STXBP3: variants seen among roughly 807,000 people sequenced by gnomAD.
STXBP3 encodes the protein syntaxin binding protein 3.
In STXBP3, 41 loss-of-function variants were observed where a neutral mutation model predicts 85.7. The observed-to-expected ratio is 0.48, with a 90% confidence interval of 0.37 to 0.62. The LOEUF (loss-of-function observed/expected upper bound fraction) is 0.62. Ranked by LOEUF, STXBP3 falls within the 20% of genes least tolerant of loss-of-function variation. The pLI, the probability that STXBP3 is intolerant of heterozygous loss-of-function variation, is 0.00. For synonymous variants in STXBP3, 229 were observed against 231.7 expected (o/e 0.99, Z 0.10); for missense variants, 563 against 703.1 (o/e 0.80, Z 2.25).
Position 108,782,658 on chromosome 1 carries a change from C to A in STXBP3, c.915C>A (p.Pro305=). ...TCTCACAATTTGACAGGGAAATTCC[C>A]AAGCTTATGAAAGAAATTTCATCAA... ...RHIAVVLEEI[P]KLMKEISSTK... is the part of the protein sequence containing the mutation. Residue 305 remains proline (P), a synonymous_variant, in exon 11 of 19, where the codon CCC becomes CCA. Coordinates refer to ENST00000370008, the MANE Select transcript of STXBP3 (RefSeq NM_007269.4). 6.2e-7 allele frequency: 1 copy of A among 1,608,542 alleles called. No individual in the cohort carries two copies. The highest frequency in any genetic ancestry group is 1.1e-5 in the South Asian group (1 of 89,426).
intron 1 of STXBP3, among the ~76,000 whole-genome samples, chr1:108,751,782 A>G (rs1661911082): frequency 1.4e-5 from 1 of 73,570 alleles, no homozygotes; most frequent in African/African-American, 4.9e-5. Context: ...ATAAATCAAG[A>G]CTGAATATTG....
intron 6 of STXBP3, among the ~76,000 whole-genome samples, chr1:108,764,335 A>C (rs903701438): frequency 1.3e-5 from 2 of 151,992 alleles, no homozygotes; most frequent in Non-Finnish European, 2.9e-5. Flanking sequence ...TGTCTTTGCT[A>C]TTGTGAATAG....
intron 6 of STXBP3, among the ~76,000 whole-genome samples, chr1:108,761,414 G>T (rs555367371): frequency 2.0e-5 from 3 of 152,094 alleles, no homozygotes; most frequent in African/African-American, 7.2e-5. Context: ...AGAACATCTC[G>T]CTTCACAGAA....
At chr1:108,776,258 A>G in intron 7 of STXBP3, 75 bp from the exon 8 acceptor site, 1 of 948,362 alleles carries the variant, frequency 1.1e-6, no homozygotes, top group Non-Finnish European at 1.5e-6. Flanking sequence ...GTTTAATTTT[A>G]GAATTAAACT....
intron 11 of STXBP3, among the ~76,000 whole-genome samples, chr1:108,785,342 C>A (rs1303586495): frequency 1.3e-5 from 2 of 152,234 alleles, no homozygotes; most frequent in Non-Finnish European, 2.9e-5. Context: ...GTAAGCCCAA[C>A]ACCACGTGTA....
intron 16 of STXBP3, among the ~76,000 whole-genome samples, chr1:108,798,908 G>A (rs1663173110): frequency 6.6e-6 from 1 of 152,184 alleles, no homozygotes; most frequent in African/African-American, 2.4e-5. Context: ...AGTATTAGAT[G>A]CCAATATTCT....
rs752942628 is a variant in STXBP3 at position 108,776,401 on chromosome 1, T to C, written c.662T>C (p.Ile221Thr). 6.2e-7 allele frequency: 1 copy of C among 1,607,986 alleles called. No individual in the cohort carries two copies. Among genetic ancestry groups the C allele is most frequent in the Admixed American group, 1.7e-5 (1 of 59,596 alleles). ...VEKKLEDYYK[I>T]DEKSLIKGKT... ...AAAAAGCTTGAAGACTACTACAAGA[T>C]TGATGAAAAGAGCCTAATAAAGGTA... Residue 221 changes from isoleucine (I) to threonine (T), a missense_variant, in exon 8 of 19, where the codon ATT becomes ACT. Transcript: ENST00000370008.
intron 11 of STXBP3, among the ~76,000 whole-genome samples, chr1:108,785,785 C>A (rs1418873711): frequency 6.6e-6 from 1 of 152,202 alleles, no homozygotes; most frequent in Non-Finnish European, 1.5e-5. Flanking sequence ...TTCCCCAGAT[C>A]TCTAGGGCAA....
At chr1:108,763,582 CT>C (rs1184534699) in intron 6 of STXBP3, among the ~76,000 whole-genome samples, 4 of 149,358 alleles carry the variant, frequency 2.7e-5, no homozygotes, top group Admixed American at 6.7e-5. Context: ...CAAAACCCAA[CT>C]TTTTTTTTTG....
chr1:108,749,480 C>G (rs1030597765), intron 1 of STXBP3, among the ~76,000 whole-genome samples: 7 of 152,116 alleles, frequency 4.6e-5, no homozygotes, highest in Non-Finnish European at 1.0e-4. Context: ...TACCTTTGCT[C>G]TGAGAACAAG....
At chr1:108,790,966 A>T (rs1184734752) in intron 11 of STXBP3, among the ~76,000 whole-genome samples, 1 of 152,196 alleles carries the variant, frequency 6.6e-6, no homozygotes, top group East Asian at 1.9e-4. Flanking sequence ...AACACTCAGT[A>T]GACTTTTATT....
At chr1:108,775,227 T>G (rs1662561381) in intron 7 of STXBP3, among the ~76,000 whole-genome samples, 1 of 152,036 alleles carries the variant, frequency 6.6e-6, no homozygotes, top group African/African-American at 2.4e-5. Context: ...AGACCTCCCA[T>G]TTTTGAGGTT....
At position 108,795,047 on chromosome 1, in the gene STXBP3, G is replaced by A. The variant is rs578146588; in HGVS notation, c.1110+140G>A. ...TCTCTCTTATCAGGGGAGCCACCTAGGCAGTATTTAATGTCATTCCCCGCT... is the reference window on the plus strand; with the variant it reads ...TCTCTCTTATCAGGGGAGCCACCTAAGCAGTATTTAATGTCATTCCCCGCT... On this transcript the variant is annotated intron_variant, in intron 13 of 18. Coordinates refer to ENST00000370008, the MANE Select transcript of STXBP3 (RefSeq NM_007269.4). 10 of 627,474 alleles carry A rather than the reference G, an allele frequency of 1.6e-5. No homozygotes were observed. The East Asian group carries it at 2.0e-4, about 12-fold the overall frequency. 38.9% of individuals were successfully genotyped at this position (627,474 alleles called of 1,614,324 possible).
Position 108,796,296 on chromosome 1 carries a change from T to G in STXBP3, c.1173T>G (p.Leu391=), listed in dbSNP as rs765954508. 1 of 1,613,246 alleles carries G rather than the reference T, an allele frequency of 6.2e-7. No homozygotes were observed. The highest frequency in any genetic ancestry group is 1.1e-5 in the South Asian group (1 of 91,012). The change falls in exon 14 of 19, where the codon CTT becomes CTG. Residue 391 remains leucine, a synonymous_variant. Coordinates refer to ENST00000370008, the MANE Select transcript of STXBP3 (RefSeq NM_007269.4). ...TGAAAGATTCCATGCGAGTACTCCT[T>G]CCAGTTCTACTCAACAAAAATCATG... ...QKVKDSMRVL[L]PVLLNKNHDN...
intron 9 of STXBP3, 173 bp from the exon 10 acceptor site, chr1:108,782,249 T>G: frequency 1.9e-6 from 1 of 531,454 alleles, no homozygotes; most frequent in East Asian, 3.0e-5. Context: ...ATTTTTAATG[T>G]AAGGATAGCA....
At chr1:108,780,144 A>G (rs1662685373) in intron 9 of STXBP3, 2 of 152,148 alleles carry the variant, frequency 1.3e-5, no homozygotes, top group South Asian at 4.1e-4. Flanking sequence ...CTGAAATTTT[A>G]TGTTTAAACT....
intron 6 of STXBP3, among the ~76,000 whole-genome samples, chr1:108,772,444 G>A (rs1662484104): frequency 7.5e-6 from 1 of 133,042 alleles, no homozygotes; most frequent in African/African-American, 2.8e-5. Context: ...ATATCTATCT[G>A]TATAATATAT....
chr1:108,805,761 G>A (rs143690325), intron 17 of STXBP3, among the ~76,000 whole-genome samples: 9 of 152,292 alleles, frequency 5.9e-5, no homozygotes, highest in East Asian at 1.9e-4. Context: ...GCTGGGTGCC[G>A]TGGTGCACCC....
chr1:108,769,589 C>T (rs1027949453), intron 6 of STXBP3, among the ~76,000 whole-genome samples: 2 of 151,810 alleles, frequency 1.3e-5, no homozygotes, highest in Non-Finnish European at 2.9e-5. Context: ...ATTTAAGGAG[C>T]TGATTATAGG....
Sources: gnomAD v4.1 joint callset for allele counts (sites outside exome capture counted in the v4.1 genomes callset) on GRCh38, gnomAD v4.1.1 for gene constraint, MANE v1.5 for transcripts, NCBI Gene and HGNC (gene_info 2026-07-23, HGNC 2026-07-21) for gene names.